NR3C1: variants seen among roughly 807,000 people sequenced by gnomAD.
The protein encoded by NR3C1 is nuclear receptor subfamily 3 group C member 1.
NR3C1 carries 14 observed loss-of-function variants against 74.0 expected under a neutral mutation model. The ratio of observed to expected loss-of-function variants is 0.19; its 90% CI spans 0.12 to 0.30. The LOEUF is 0.30. NR3C1 is among the 10% of genes least tolerant of loss of function. The probability of loss-of-function intolerance (pLI) is 1.00; values close to 1 mark genes in which losing one functional copy is unlikely to be tolerated. For synonymous variants in NR3C1, 308 were observed against 332.5 expected, an observed-to-expected ratio of 0.93 and a Z score of 0.80; for missense variants, 695 against 909.8, an observed-to-expected ratio of 0.76 and a Z score of 3.04.
chr5:143,384,045 G>A (rs1389239839), intron 2 of NR3C1, among the ~76,000 whole-genome samples: 1 of 152,228 alleles, frequency 6.6e-6, no homozygotes, highest in African/African-American at 2.4e-5. Context: ...AAGCATGACT[G>A]AGAGGCCTCA....
chr5:143,397,289 T>A (rs932910574), intron 2 of NR3C1, among the ~76,000 whole-genome samples: 1 of 151,902 alleles, frequency 6.6e-6, no homozygotes, highest in Non-Finnish European at 1.5e-5. Context: ...ATTTAATATT[T>A]TTCTTCGTAA....
chr5:143,315,400 C>CA (rs1259523793), intron 2 of NR3C1, among the ~76,000 whole-genome samples: 1 of 152,054 alleles, frequency 6.6e-6, no homozygotes, highest in Non-Finnish European at 1.5e-5. Flanking sequence ...AGCAAATCTT[C>CA]AAAAACATGG....
At chr5:143,337,326 A>C (rs2151728811) in intron 2 of NR3C1, among the ~76,000 whole-genome samples, 1 of 152,356 alleles carries the variant, frequency 6.6e-6, no homozygotes, top group African/African-American at 2.4e-5. Context: ...CATACCCATC[A>C]GACTGACAAA....
intron 4 of NR3C1, among the ~76,000 whole-genome samples, chr5:143,306,085 GA>G (rs1255490793): frequency 6.6e-6 from 1 of 151,908 alleles, no homozygotes; most frequent in East Asian, 1.9e-4. Flanking sequence ...AGTTTCAAGA[GA>G]AAAACAAGCA....
At chr5:143,415,608 C>T (rs939284924) in intron 1 of NR3C1, among the ~76,000 whole-genome samples, 1 of 152,084 alleles carries the variant, frequency 6.6e-6, no homozygotes, top group African/African-American at 2.4e-5. Flanking sequence ...TTCATCTTTT[C>T]AATATTTTCA....
chr5:143,382,310 T>C (rs902363724), intron 2 of NR3C1, among the ~76,000 whole-genome samples: 29 of 152,086 alleles, frequency 1.9e-4, no homozygotes, highest in African/African-American at 7.0e-4. Context: ...TATATACCCA[T>C]AAAAATTAAA....
At chr5:143,384,745 C>G (rs75059753) in intron 2 of NR3C1, among the ~76,000 whole-genome samples, 1 of 152,226 alleles carries the variant, frequency 6.6e-6, no homozygotes, top group Non-Finnish European at 1.5e-5. Flanking sequence ...GACCCTGCAG[C>G]TGCTTTCACA....
chr5:143,298,905 T>A (rs777802688), intron 5 of NR3C1, 93 bp from the exon 6 acceptor site: 148 of 1,317,218 alleles, frequency 1.1e-4, no homozygotes, highest in Non-Finnish European at 1.5e-4. Context: ...ATTAGCCCTG[T>A]CAAAACAAGG....
chr5:143,336,061 T>C (rs1317577487), intron 2 of NR3C1, among the ~76,000 whole-genome samples: 1 of 152,242 alleles, frequency 6.6e-6, no homozygotes, highest in Non-Finnish European at 1.5e-5. Context: ...TTGTCTTCTC[T>C]TGATTAGTAA....
intron 4 of NR3C1, among the ~76,000 whole-genome samples, chr5:143,308,994 T>A (rs1424523464): frequency 6.6e-6 from 1 of 152,096 alleles, no homozygotes; most frequent in Non-Finnish European, 1.5e-5. Context: ...AATTTTTTAA[T>A]GCTGAGATCA....
intron 1 of NR3C1, among the ~76,000 whole-genome samples, chr5:143,422,691 CT>C (rs1165114312): frequency 6.6e-6 from 1 of 152,236 alleles, no homozygotes; most frequent in Admixed American, 6.5e-5. Flanking sequence ...GATAACAGTT[CT>C]GTCAGTGCCT....
At chr5:143,388,146 C>G (rs879318521) in intron 2 of NR3C1, among the ~76,000 whole-genome samples, 1 of 152,154 alleles carries the variant, frequency 6.6e-6, no homozygotes, top group African/African-American at 2.4e-5. Context: ...GGTAAACAGA[C>G]CAGAGTTATT....
chr5:143,319,508 A>G (rs750458938), intron 2 of NR3C1, among the ~76,000 whole-genome samples: 7 of 152,216 alleles, frequency 4.6e-5, no homozygotes, highest in Non-Finnish European at 7.4e-5. Context: ...ACAACTACCA[A>G]TAGAATATTC....
chr5:143,352,654 A>C (rs1328818029), intron 2 of NR3C1, among the ~76,000 whole-genome samples: 3 of 152,238 alleles, frequency 2.0e-5, no homozygotes, highest in African/African-American at 7.2e-5. Flanking sequence ...ACTACATATA[A>C]AAGTTATATT....
chr5:143,404,385 G>A (rs933813598), upstream of NR3C1: 9 of 966,486 alleles, frequency 9.3e-6, no homozygotes, highest in Non-Finnish European at 9.7e-6. Context: ...CTTTGGGCCC[G>A]GGGGGAGTCG....
At chr5:143,284,000 A>AACTT (rs1392402870) in intron 7 of NR3C1, among the ~76,000 whole-genome samples, 3 of 152,166 alleles carry the variant, frequency 2.0e-5, no homozygotes, top group Non-Finnish European at 2.9e-5. Flanking sequence ...CCCAAACTGA[A>AACTT]ACTTCACTGC....
At chr5:143,284,257 A>ATTTC (rs1813785539) in intron 7 of NR3C1, among the ~76,000 whole-genome samples, 1 of 151,990 alleles carries the variant, frequency 6.6e-6, no homozygotes, top group Non-Finnish European at 1.5e-5. Context: ...GAGTAGTCTT[A>ATTTC]TTTCTTACTT....
At chr5:143,320,791 C>T (rs1823190355) in intron 2 of NR3C1, among the ~76,000 whole-genome samples, 1 of 152,202 alleles carries the variant, frequency 6.6e-6, no homozygotes, top group Non-Finnish European at 1.5e-5. Flanking sequence ...GGGTAACTTA[C>T]TTCCTAACAG....
chr5:143,281,131 T>TA lies in NR3C1; in HGVS notation c.*757_*758insT, dbSNP rs1813017630. 1 of 151,070 alleles carries TA rather than the reference T, an allele frequency of 6.6e-6. No individual in the cohort carries two copies. The highest frequency in any genetic ancestry group is 6.6e-5 in the Admixed American group (1 of 15,188). 9.4% of individuals were successfully genotyped at this position (151,070 alleles called of 1,614,324 possible). A position where few individuals can be genotyped will look rare whatever the true frequency, so the allele number is the denominator to read the frequency against. On this transcript the variant is annotated 3_prime_UTR_variant, in exon 9 of 9. Transcript: ENST00000394464. ...TACAAAATATGAGCTTTTTTTTTTT[T>TA]TTTTTTGACAAGAATACTGGAGATT...
Sources: allele counts gnomAD v4.1 joint callset (sites outside exome capture counted in the v4.1 genomes callset), GRCh38; gene constraint gnomAD v4.1.1; transcripts MANE v1.5; gene names NCBI Gene and HGNC (gene_info 2026-07-23, HGNC 2026-07-21).